GALNT7: variants seen among roughly 807,000 people sequenced by gnomAD.
GALNT7 encodes the protein N-acetylgalactosaminyltransferase 7.
Under a neutral mutation model 82.1 loss-of-function variants are expected in GALNT7, and 60 were observed. The ratio of observed to expected loss-of-function variants is 0.73; its 90% CI spans 0.59 to 0.91. The LOEUF (loss-of-function observed/expected upper bound fraction) is 0.91, where lower values mean the gene tolerates loss of function less well. GALNT7 is among the 40% of genes least tolerant of loss of function. The pLI is 0.00. For synonymous variants in GALNT7, 243 were observed against 275.1 expected, an observed-to-expected ratio of 0.88 and a Z score of 1.15; for missense variants, 660 against 804.2, an observed-to-expected ratio of 0.82 and a Z score of 2.17.
At chr4:173,317,007 G>A (rs1254692119) in intron 9 of GALNT7, 1 of 152,280 alleles carries the variant, frequency 6.6e-6, no homozygotes, top group Non-Finnish European at 1.5e-5. Flanking sequence ...CTGAATGCAA[G>A]AATAAAACAT....
At position 173,251,394 on chromosome 4, in the gene GALNT7, CT is replaced by C. The variant is rs547389375; in HGVS notation, c.587+2955del. ...TGGTTAGAAACCTGAGTATTATTAG[CT>C]GTTTTTACTGCTATGGTATTTTCTT... is the stretch of plus-strand genomic sequence containing the variant. On this transcript the variant is annotated intron_variant, in intron 2 of 11. Transcript: ENST00000265000. Among the ~76,000 whole-genome samples the C allele has an allele frequency of 2.5e-3, 377 of 152,296 alleles. 1 individual carries two copies. Among genetic ancestry groups the C allele is most frequent in the Non-Finnish European group, 4.5e-3 (303 of 68,016 alleles).
chr4:173,194,717 G>A (rs1159750886), intron 1 of GALNT7, among the ~76,000 whole-genome samples: 1 of 152,082 alleles, frequency 6.6e-6, no homozygotes, highest in Non-Finnish European at 1.5e-5. Flanking sequence ...GTATGCATGT[G>A]CCATGTTGGT....
intron 9 of GALNT7, among the ~76,000 whole-genome samples, chr4:173,314,756 A>G (rs1160566707): frequency 2.0e-5 from 3 of 152,218 alleles, no homozygotes; most frequent in African/African-American, 4.8e-5. Flanking sequence ...AGACATTGTC[A>G]TTTCTTTGTT....
intron 8 of GALNT7, among the ~76,000 whole-genome samples, chr4:173,306,937 C>T (rs1268569998): frequency 1.3e-5 from 2 of 152,158 alleles, no homozygotes; most frequent in Non-Finnish European, 2.9e-5. Context: ...CTGGTTTCAG[C>T]TTCCTCTATG....
intron 2 of GALNT7, among the ~76,000 whole-genome samples, chr4:173,282,036 G>C (rs888561054): frequency 3.3e-5 from 5 of 152,236 alleles, no homozygotes; most frequent in African/African-American, 1.2e-4. Context: ...CTTCGCAGCG[G>C]AGAGGGGAGT....
At chr4:173,283,240 T>G (rs1736180943) in intron 2 of GALNT7, among the ~76,000 whole-genome samples, 2 of 152,230 alleles carry the variant, frequency 1.3e-5, no homozygotes, top group Non-Finnish European at 2.9e-5. Context: ...ACTTTAGTTT[T>G]AAACTTGGTC....
intron 1 of GALNT7, among the ~76,000 whole-genome samples, chr4:173,201,527 G>C (rs1031748706): frequency 2.0e-5 from 3 of 152,126 alleles, no homozygotes; most frequent in Non-Finnish European, 4.4e-5. Context: ...AATCTATTTT[G>C]AGCAAAGAGA....
chr4:173,209,684 T>G (rs116057498), intron 1 of GALNT7, among the ~76,000 whole-genome samples: 2 of 152,194 alleles, frequency 1.3e-5, no homozygotes, highest in Non-Finnish European at 2.9e-5. Context: ...CTCAGGAATG[T>G]GTAGATGGCC....
intron 1 of GALNT7, among the ~76,000 whole-genome samples, chr4:173,182,596 T>TA (rs1732280614): frequency 6.6e-6 from 1 of 151,872 alleles, no homozygotes. Flanking sequence ...CTAGAAAAAG[T>TA]AAACTTGCCA....
chr4:173,186,783 T>A (rs79737630), intron 1 of GALNT7, among the ~76,000 whole-genome samples: 1,605 of 151,898 alleles, frequency 0.011, 26 homozygotes, highest in African/African-American at 0.037. Context: ...TTACTTACTT[T>A]TTTTTTTTTG....
chr4:173,178,311 A>G (rs968073331), intron 1 of GALNT7, among the ~76,000 whole-genome samples: 3 of 152,094 alleles, frequency 2.0e-5, no homozygotes, highest in Non-Finnish European at 4.4e-5. Context: ...ACAATAGCAA[A>G]ACTATGCTAT....
At chr4:173,272,283 G>C (rs1367043107) in intron 2 of GALNT7, among the ~76,000 whole-genome samples, 1 of 152,174 alleles carries the variant, frequency 6.6e-6, no homozygotes, top group Non-Finnish European at 1.5e-5. Flanking sequence ...ATTAGAAATT[G>C]AGGGACTCTC....
intron 1 of GALNT7, among the ~76,000 whole-genome samples, chr4:173,182,597 A>T (rs1369287802): frequency 6.6e-6 from 1 of 152,140 alleles, no homozygotes; most frequent in Non-Finnish European, 1.5e-5. Flanking sequence ...TAGAAAAAGT[A>T]AACTTGCCAT....
At chr4:173,225,241 C>T (rs527688346) in intron 1 of GALNT7, among the ~76,000 whole-genome samples, 1 of 152,166 alleles carries the variant, frequency 6.6e-6, no homozygotes, top group East Asian at 1.9e-4. Flanking sequence ...CCTCCCTCCC[C>T]TCTTTTTTCC....
At chr4:173,298,050 C>A in intron 5 of GALNT7, 65 bp from the exon 6 acceptor site, 1 of 1,558,912 alleles carries the variant, frequency 6.4e-7, no homozygotes, top group Non-Finnish European at 8.7e-7. Context: ...CCCATGAACT[C>A]GTATAAATGT....
intron 2 of GALNT7, among the ~76,000 whole-genome samples, chr4:173,258,896 A>G (rs918814083): frequency 1.3e-5 from 2 of 152,242 alleles, no homozygotes; most frequent in Non-Finnish European, 2.9e-5. Context: ...TCATTATTGC[A>G]GAATTTTTTC....
chr4:173,318,745 C>T (rs1737695987), intron 11 of GALNT7, 186 bp downstream of exon 11: 1 of 462,762 alleles, frequency 2.2e-6, no homozygotes, highest in South Asian at 2.6e-5. Flanking sequence ...TGAGGCATCA[C>T]TTTTGTTCTC....
intron 2 of GALNT7, among the ~76,000 whole-genome samples, chr4:173,253,518 G>C (rs538013150): frequency 1.3e-5 from 2 of 152,302 alleles, no homozygotes; most frequent in African/African-American, 4.8e-5. Context: ...GTGGAGGCCT[G>C]TTAGAGGGTT....
At chr4:173,314,262 T>A (rs1737510197) in intron 9 of GALNT7, 86 bp downstream of exon 9, 1 of 922,158 alleles carries the variant, frequency 1.1e-6, no homozygotes, top group Non-Finnish European at 1.8e-6. Flanking sequence ...AAGAGGGAAG[T>A]ATTCTTGGGG....
Sources: gnomAD v4.1 joint callset for allele counts (sites outside exome capture counted in the v4.1 genomes callset) on GRCh38, gnomAD v4.1.1 for gene constraint, MANE v1.5 for transcripts, NCBI Gene and HGNC (gene_info 2026-07-23, HGNC 2026-07-21) for gene names.